AGAP1: variants seen among roughly 807,000 people sequenced by gnomAD.
AGAP1 encodes arf-GAP with GTPase, ANK repeat and PH domain-containing protein 1.
Under a neutral mutation model 105.3 loss-of-function variants are expected in AGAP1, and 29 were observed. The ratio of observed to expected loss-of-function variants is 0.28; its 90% CI spans 0.21 to 0.38. AGAP1 has a LOEUF of 0.38. Among genes scored for constraint, AGAP1 ranks in the 10% least tolerant of loss-of-function variants. The probability of loss-of-function intolerance (pLI) is 1.00; values close to 1 mark genes in which losing one functional copy is unlikely to be tolerated. For missense variants in AGAP1, 998 were observed against 1,165.1 expected (o/e 0.86, Z 2.09); for synonymous variants, 509 against 485.9 (o/e 1.05, Z -0.63).
intron 16 of AGAP1, among the ~76,000 whole-genome samples, chr2:236,057,383 A>C (rs1028644458): frequency 1.3e-5 from 2 of 152,240 alleles, no homozygotes; most frequent in Non-Finnish European, 2.9e-5. Context: ...TGCTGGGATT[A>C]CAGGCATGAG....
intron 1 of AGAP1, among the ~76,000 whole-genome samples, chr2:235,673,259 C>A (rs1373816511): frequency 6.6e-6 from 1 of 152,184 alleles, no homozygotes; most frequent in Non-Finnish European, 1.5e-5. Context: ...ATATTTGCTT[C>A]CTGTGACATA....
intron 1 of AGAP1, among the ~76,000 whole-genome samples, chr2:235,618,010 A>G (rs1946363012): frequency 6.6e-6 from 1 of 152,006 alleles, no homozygotes; most frequent in African/African-American, 2.4e-5. Context: ...CATCTCGTGG[A>G]GCATCAACCA....
At position 235,960,008 on chromosome 2, in the gene AGAP1, G is replaced by A. The variant is rs548112522; in HGVS notation, c.1484-8454G>A. ...TCCAGGGCCTGGGCTATGGAGTGTT[G>A]GAGCATTGCCGTGGCAGGAGAACGC... is the stretch of plus-strand genomic sequence containing the variant. On this transcript the variant is annotated intron_variant, in intron 12 of 17. Transcript: ENST00000304032. The surrounding 1 kb of genome is among the most constrained non-coding windows in gnomAD (Gnocchi z 4.9). Among the ~76,000 whole-genome samples the A allele has an allele frequency of 6.6e-6, 1 of 152,318 alleles. No individual in the cohort carries two copies. The highest frequency in any genetic ancestry group is 6.5e-5 in the Admixed American group (1 of 15,312).
intron 1 of AGAP1, chr2:235,670,598 C>G (rs998265873): frequency 3.5e-6 from 2 of 564,036 alleles, no homozygotes; most frequent in African/African-American, 4.0e-5. Flanking sequence ...GCCGCAAGGC[C>G]GGACACTGGG....
rs557303430 is a variant in AGAP1 at position 235,515,431 on chromosome 2, G to A, written c.163+20582G>A. Among the ~76,000 whole-genome samples the A allele has an allele frequency of 2.0e-5, 3 of 152,284 alleles. No homozygotes were observed. In the South Asian group the frequency reaches 6.2e-4, roughly 32 times the overall value. On this transcript the variant is annotated intron_variant, in intron 1 of 17. Coordinates refer to ENST00000304032, the MANE Select transcript of AGAP1 (RefSeq NM_001037131.3). ...GGCAGCAGAGAGAAGAGCAGGGCAG[G>A]TCCTCAAAGGAACACTGAAAAGGTT...
rs1946134902 is a variant in AGAP1 at position 235,611,802 on chromosome 2, T to C, written c.164-97377T>C. ...TAATGATTTTCATTTCCTACCTTTGTAGTTTTCATATAAATTAGATTTACA... is the reference window on the plus strand; with the variant it reads ...TAATGATTTTCATTTCCTACCTTTGCAGTTTTCATATAAATTAGATTTACA... On this transcript the variant is annotated intron_variant, in intron 1 of 17. Transcript: ENST00000304032. This position sits in a 1 kb window ranked among gnomAD's most constrained non-coding sequence, Gnocchi z 5.0. Among the ~76,000 whole-genome samples, 1 of 152,252 alleles carries C rather than the reference T, an allele frequency of 6.6e-6. No individual in the cohort carries two copies. Among genetic ancestry groups the C allele is most frequent in the Non-Finnish European group, 1.5e-5 (1 of 68,048 alleles).
At chr2:235,598,189 C>A (rs1273663287) in intron 1 of AGAP1, among the ~76,000 whole-genome samples, 1 of 151,984 alleles carries the variant, frequency 6.6e-6, no homozygotes, top group Non-Finnish European at 1.5e-5. Flanking sequence ...GGCGTGTCTA[C>A]AGCATCCCAG....
chr2:235,679,124 G>T (rs185326535), intron 1 of AGAP1, among the ~76,000 whole-genome samples: 1 of 152,316 alleles, frequency 6.6e-6, no homozygotes, highest in East Asian at 1.9e-4. Context: ...AAAGCACAGT[G>T]TCTTGATTTG....
In AGAP1 at chr2:235,874,218, T is replaced by A. The variant is rs894655786; in HGVS notation, c.1051-9127T>A. 5.3e-5 allele frequency among the ~76,000 whole-genome samples: 8 copies of A among 152,030 alleles called. No individual in the cohort carries two copies. The highest frequency in any genetic ancestry group is 1.9e-4 in the African/African-American group (8 of 41,368). ...GGCGCACACCACCATGCCCAGCTAA[T>A]TTTTTGCATTTTACTAGAGACGGGG... On this transcript the variant is annotated intron_variant, in intron 9 of 17. Coordinates refer to ENST00000304032, the MANE Select transcript of AGAP1 (RefSeq NM_001037131.3). This position sits in a 1 kb window ranked among gnomAD's most constrained non-coding sequence, Gnocchi z 4.5.
At chr2:235,722,356 A>C (rs1375648621) in intron 3 of AGAP1, among the ~76,000 whole-genome samples, 7 of 152,220 alleles carry the variant, frequency 4.6e-5, no homozygotes, top group Non-Finnish European at 8.8e-5. Context: ...GTTCTGATTT[A>C]ATTAGTGCGT....
Position 236,012,792 on chromosome 2 carries a change from C to T in AGAP1, c.1646-23769C>T, listed in dbSNP as rs371798262. On this transcript the variant is annotated intron_variant, in intron 13 of 17. Coordinates refer to ENST00000304032, the MANE Select transcript of AGAP1 (RefSeq NM_001037131.3). The surrounding 1 kb of genome is among the most constrained non-coding windows in gnomAD (Gnocchi z 4.9). The stretch of plus-strand genomic sequence containing the variant: ...TATTATTATTATTATTATTATTATT[C>T]TCTTGAGATGGAATCTCTCACTGTC... Among the ~76,000 whole-genome samples the T allele has an allele frequency of 8.2e-6, 1 of 122,568 alleles. No homozygotes were observed. Among genetic ancestry groups the T allele is most frequent in the Non-Finnish European group, 1.7e-5 (1 of 58,522 alleles). 80.4% of individuals were successfully genotyped at this position (122,568 alleles called of 152,430 possible).
At position 235,604,763 on chromosome 2, in the gene AGAP1, T is replaced by C. The variant is rs1274766387; in HGVS notation, c.164-104416T>C. Among the ~76,000 whole-genome samples the C allele has an allele frequency of 2.0e-5, 3 of 151,754 alleles. No individual in the cohort carries two copies. In the East Asian group the frequency reaches 5.9e-4, roughly 30 times the overall value. On this transcript the variant is annotated intron_variant, in intron 1 of 17. Coordinates refer to ENST00000304032, the MANE Select transcript of AGAP1 (RefSeq NM_001037131.3). ...ACGCCTGGCTAATTTTTTGTATTTT[T>C]AGTAGAGATGGGGTTTCACCATGTT...
chr2:235,926,882 C>T (rs992551996), intron 11 of AGAP1, among the ~76,000 whole-genome samples: 1 of 152,150 alleles, frequency 6.6e-6, no homozygotes, highest in Non-Finnish European at 1.5e-5. Flanking sequence ...GCTCTTTGTT[C>T]ATAAACACAG....
intron 1 of AGAP1, among the ~76,000 whole-genome samples, chr2:235,703,509 A>T (rs992052993): frequency 7.9e-5 from 12 of 151,566 alleles, no homozygotes; most frequent in Non-Finnish European, 1.5e-4. Flanking sequence ...TCTCCTTGGA[A>T]CCTTACAGAA....
rs1421175528 is a variant in AGAP1 at position 235,965,061 on chromosome 2, T to C, written c.1484-3401T>C. Among the ~76,000 whole-genome samples the C allele has an allele frequency of 1.3e-5, 2 of 152,226 alleles. No homozygotes were observed. The highest frequency in any genetic ancestry group is 4.8e-5 in the African/African-American group (2 of 41,464). On this transcript the variant is annotated intron_variant, in intron 12 of 17. Coordinates refer to ENST00000304032, the MANE Select transcript of AGAP1 (RefSeq NM_001037131.3). This position sits in a 1 kb window ranked among gnomAD's most constrained non-coding sequence, Gnocchi z 5.8. ...CTCAGGGGGTCTCAGGACTGCTGGC[T>C]ACACCTCGGGTACAGTTAACCAAGG... is the stretch of plus-strand genomic sequence containing the variant.
chr2:235,796,219 T>C (rs534285038), intron 6 of AGAP1, among the ~76,000 whole-genome samples: 3 of 152,348 alleles, frequency 2.0e-5, no homozygotes, highest in South Asian at 2.1e-4. Flanking sequence ...CAGGCAATTA[T>C]GATTTTTGGC....
At chr2:235,603,171 T>C (rs1945790910) in intron 1 of AGAP1, among the ~76,000 whole-genome samples, 1 of 152,196 alleles carries the variant, frequency 6.6e-6, no homozygotes, top group Non-Finnish European at 1.5e-5. Context: ...ATAAGCCTCC[T>C]GAGAGCTGGT....
intron 1 of AGAP1, among the ~76,000 whole-genome samples, chr2:235,567,148 C>T (rs1233620677): frequency 6.6e-6 from 1 of 152,262 alleles, no homozygotes; most frequent in Non-Finnish European, 1.5e-5. Flanking sequence ...AGCACACTGG[C>T]AGTGTGCCCA....
At chr2:235,499,953 T>C (rs1301767506) in intron 1 of AGAP1, among the ~76,000 whole-genome samples, 1 of 152,086 alleles carries the variant, frequency 6.6e-6, no homozygotes, top group African/African-American at 2.4e-5. Context: ...GGATAAACAA[T>C]GTTTATACGC....
Sources: gnomAD v4.1 joint callset for allele counts (sites outside exome capture counted in the v4.1 genomes callset) on GRCh38, gnomAD v4.1.1 for gene constraint, Gnocchi (gnomAD v3.1) non-coding constraint, MANE v1.5 for transcripts, NCBI Gene and HGNC (gene_info 2026-07-23, HGNC 2026-07-21) for gene names.